WDR87: variants seen among roughly 807,000 people sequenced by gnomAD.
The protein encoded by WDR87 is WD repeat domain 87.
WDR87 carries 56 observed loss-of-function variants against 83.3 expected under a neutral mutation model. That is an observed-to-expected ratio of 0.67 (90% confidence interval 0.54 to 0.84). The LOEUF is 0.84. Among genes scored for constraint, WDR87 ranks in the 40% least tolerant of loss-of-function variants. The probability of loss-of-function intolerance (pLI) is 0.00; values close to 1 mark genes in which losing one functional copy is unlikely to be tolerated. For synonymous variants in WDR87, 1,173 were observed against 1,250.6 expected (o/e 0.94, Z 1.31); for missense variants, 2,939 against 3,431.9 (o/e 0.86, Z 3.59).
Position 37,892,674 on chromosome 19 carries a change from C to T in WDR87, c.3029G>A (p.Arg1010Lys), listed in dbSNP as rs770682097. Residue 1010 changes from arginine to lysine, a missense_variant, in exon 4 of 6, where the codon AGG becomes AAG. Around this residue, in one of 3 missense-constraint regions of WDR87, gnomAD observed 2,160 missense variants for 2,533.1 expected, o/e 0.85. Transcript: ENST00000447313. Reference protein sequence around the residue: ...QGLMDKDERVRIKTLSLMAEI... With the variant: ...QGLMDKDERVKIKTLSLMAEI... ...AGCCATGAGGCTTAGGGTCTTGATC[C>T]TCACTCTTTCATCCTTGTCCATTAA... 5.0e-5 allele frequency: 77 copies of T among 1,551,624 alleles called. No individual in the cohort carries two copies. Among genetic ancestry groups the T allele is most frequent in the Non-Finnish European group, 6.5e-5 (74 of 1,146,972 alleles).
rs759097545 is a variant in WDR87, at chr19:37,893,919, C to A, written c.1784G>T (p.Gly595Val). The A allele has an allele frequency of 1.9e-6, 3 of 1,551,882 alleles. No individual in the cohort carries two copies. The South Asian group carries it at 3.6e-5, about 18-fold the overall frequency. Residue 595 changes from glycine (G) to valine (V), a missense_variant, in exon 4 of 6, where the codon GGC becomes GTC. This residue lies in a region of WDR87 where 553 missense variants were observed against 577.9 expected (regional missense o/e 0.96). Coordinates refer to ENST00000447313, the MANE Select transcript of WDR87 (RefSeq NM_001291088.2). ...HDFLSSGSQN[G>V]LKFIETLPLH... ...AGGCAGTGTTTCTATGAATTTCAAG[C>A]CATTCTGTGACCCAGAGGACAGAAA...
chr19:37,897,229 C>T (rs1300823593), intron 2 of WDR87, among the ~76,000 whole-genome samples: 2 of 103,298 alleles, frequency 1.9e-5, no homozygotes, highest in Middle Eastern at 8.6e-3. Flanking sequence ...TTTTTTGAGA[C>T]AAGATCTCAC....
Position 37,893,537 on chromosome 19 carries a change from T to C in WDR87, c.2166A>G (p.Gly722=). ...GACCCACTAATTTCTGTTGCGCTTGTCCAGGGTAGATGTACTTGGGCACAA... is the reference window on the plus strand; with the variant it reads ...GACCCACTAATTTCTGTTGCGCTTGCCCAGGGTAGATGTACTTGGGCACAA... The part of the protein sequence containing the change: ...TMFVPKYIYP[G]QAQQKLVGLE... Residue 722 remains glycine, a synonymous_variant, in exon 4 of 6, where the codon GGA becomes GGG. Transcript: ENST00000447313. The C allele has an allele frequency of 1.9e-6, 3 of 1,551,768 alleles. No individual in the cohort carries two copies. Among genetic ancestry groups the C allele is most frequent in the Non-Finnish European group, 2.6e-6 (3 of 1,147,040 alleles).
At chr19:37,895,946 T>G (rs1329722918) in intron 3 of WDR87, 192 bp downstream of exon 3, 2 of 735,564 alleles carry the variant, frequency 2.7e-6, no homozygotes, top group Non-Finnish European at 4.2e-6. Context: ...TTTCCTAACC[T>G]TGGTTTACTT....
At position 37,895,420 on chromosome 19, in the gene WDR87, C is replaced by G; in HGVS notation, c.283G>C (p.Val95Leu). 6.4e-7 allele frequency: 1 copy of G among 1,551,608 alleles called. No homozygotes were observed. The highest frequency in any genetic ancestry group is 1.2e-5 in the South Asian group (1 of 84,052). Residue 95 changes from valine (V) to leucine (L), a missense_variant, in exon 4 of 6, where the codon GTT (valine) becomes CTT (leucine). By Grantham distance (32) the Val-to-Leu change is conservative. Transcript: ENST00000447313. ...GTCATGGAGAATGTTCTTTTCTCAA[C>G]CATGTCCTCAGTTTTGCTCTTCATC... ...AWMKSKTEDM[V>L]EKRTFSMTER...
chr19:37,893,589 C>G lies in WDR87; in HGVS notation c.2114G>C (p.Ser705Thr). 1 of 1,551,930 alleles carries G rather than the reference C, an allele frequency of 6.4e-7. No individual in the cohort carries two copies. Among genetic ancestry groups the G allele is most frequent in the Non-Finnish European group, 8.7e-7 (1 of 1,147,046 alleles). Reference protein sequence around the residue: ...VLEVPKPFIPSFFFSFETMFV... With the variant: ...VLEVPKPFIPTFFFSFETMFV... ...CATGGTCTCAAAGGAGAAGAAGAAG[C>G]TTGGTATGAAAGGCTTAGGGACTTC... Residue 705 changes from serine to threonine, a missense_variant, in exon 4 of 6, where the codon AGC becomes ACC. Transcript: ENST00000447313.
rs2046227109 is a variant in WDR87, at chr19:37,893,624, A to T, written c.2079T>A (p.Asp693Glu). Residue 693 changes from aspartate (D) to glutamate (E), a missense_variant, in exon 4 of 6, where the codon GAT becomes GAA. By Grantham distance (45) the Asp-to-Glu change is conservative (BLOSUM62 2). Around this residue, in one of 3 missense-constraint regions of WDR87, gnomAD observed 553 missense variants for 577.9 expected, o/e 0.96. Coordinates refer to ENST00000447313, the MANE Select transcript of WDR87 (RefSeq NM_001291088.2). ...AAGGCTTAGGGACTTCCAGTACTTC[A>T]TCTGATATGCTCATAAAGGAAAGGC... ...LTRLSFMSISDEVLEVPKPFI... is the reference protein window; with the variant it reads ...LTRLSFMSISEEVLEVPKPFI... 1 of 1,552,020 alleles carries T rather than the reference A, an allele frequency of 6.4e-7. No individual in the cohort carries two copies. The highest frequency in any genetic ancestry group is 2.0e-5 in the Admixed American group (1 of 50,984).
Position 37,893,660 on chromosome 19 carries a change from G to C in WDR87, c.2043C>G (p.Ala681=). The C allele has an allele frequency of 6.4e-7, 1 of 1,552,128 alleles. No homozygotes were observed. The highest frequency in any genetic ancestry group is 1.4e-5 in the African/African-American group (1 of 73,154). Residue 681 remains alanine, a synonymous_variant, in exon 4 of 6, where the codon GCC becomes GCG. Coordinates refer to ENST00000447313, the MANE Select transcript of WDR87 (RefSeq NM_001291088.2). ...TCATAAAGGAAAGGCGAGTCAGCAG[G>C]GCTGGGGGAAGCAATTTTAAACAGG... is the stretch of plus-strand genomic sequence containing the variant. ...LVSCLKLLPP[A]LLTRLSFMSI...
In WDR87 at chr19:37,889,014, T is replaced by A; in HGVS notation, c.4657A>T (p.Lys1553Ter). ...SPEEEMLQED[K>*]KLKWEEWKQV... is the part of the protein sequence containing the mutation. ...TTCCACTCCTCCCATTTCAGCTTCTTGTCCTCCTGAAGCATTTCCTCCTCC... is the reference window on the plus strand; with the variant it reads ...TTCCACTCCTCCCATTTCAGCTTCTAGTCCTCCTGAAGCATTTCCTCCTCC... The change falls in exon 6 of 6, where the codon AAG (lysine) becomes TAG (stop). Residue 1553 changes from lysine (K) to a stop codon, truncating the protein, a stop_gained. Coordinates refer to ENST00000447313, the MANE Select transcript of WDR87 (RefSeq NM_001291088.2). LOFTEE classifies it low-confidence loss of function (END_TRUNC). 1 of 1,552,122 alleles carries A rather than the reference T, an allele frequency of 6.4e-7. No homozygotes were observed. The highest frequency in any genetic ancestry group is 8.7e-7 in the Non-Finnish European group (1 of 1,147,102).
Position 37,894,632 on chromosome 19 carries a change from G to A in WDR87, c.1071C>T (p.Leu357=). 6.4e-7 allele frequency: 1 copy of A among 1,551,782 alleles called. No homozygotes were observed. Among genetic ancestry groups the A allele is most frequent in the Non-Finnish European group, 8.7e-7 (1 of 1,147,018 alleles). The change falls in exon 4 of 6, where the codon CTC becomes CTT. Residue 357 remains leucine, a synonymous_variant. Coordinates refer to ENST00000447313, the MANE Select transcript of WDR87 (RefSeq NM_001291088.2). ...SLHRLPCFYS[L]FNVCGSAPQQ... ...GGGGAGCAGAGCCACAGACATTGAAGAGGCTGTAGAAGCAGGGCAGGCGGT... is the reference window on the plus strand; with the variant it reads ...GGGGAGCAGAGCCACAGACATTGAAAAGGCTGTAGAAGCAGGGCAGGCGGT...
rs2046184137 is a variant in WDR87, at chr19:37,889,522, T to C, written c.4149A>G (p.Pro1383=). 18 of 1,551,706 alleles carry C rather than the reference T, an allele frequency of 1.2e-5. No individual in the cohort carries two copies. The highest frequency in any genetic ancestry group is 1.5e-5 in the Non-Finnish European group (17 of 1,147,030). The change falls in exon 6 of 6, where the codon CCA becomes CCG. Residue 1383 remains proline (P), a synonymous_variant. Coordinates refer to ENST00000447313, the MANE Select transcript of WDR87 (RefSeq NM_001291088.2). ...QEVIRHKEVM[P]REEEQAQKKA... is the part of the protein sequence containing the mutation. Reference sequence around the variant, plus strand: ...TCTTTTGTGCTTGTTCTTCTTCCCTTGGCATCACTTCCTTGTGTCTGATCA... The same window carrying C: ...TCTTTTGTGCTTGTTCTTCTTCCCTCGGCATCACTTCCTTGTGTCTGATCA...
chr19:37,892,733 A>G lies in WDR87; in HGVS notation c.2970T>C (p.Ile990=), dbSNP rs773247581. 46 of 1,551,664 alleles carry G rather than the reference A, an allele frequency of 3.0e-5. No individual in the cohort carries two copies. The highest frequency in any genetic ancestry group is 2.0e-5 in the Admixed American group (1 of 50,984). ...CCAGAGGCATGGCAAAAAGATGAGTAATCATTCCTAGACGCTTCAGCCCTT... is the reference window on the plus strand; with the variant it reads ...CCAGAGGCATGGCAAAAAGATGAGTGATCATTCCTAGACGCTTCAGCCCTT... ...AWEGLKRLGM[I]THLFAMPLAQ... The change falls in exon 4 of 6, where the codon ATT becomes ATC. Residue 990 remains isoleucine, a synonymous_variant. Transcript: ENST00000447313.
chr19:37,896,472 A>G (rs1289420402), intron 2 of WDR87, among the ~76,000 whole-genome samples, 164 bp from the exon 3 acceptor site: 1 of 152,168 alleles, frequency 6.6e-6, no homozygotes, highest in African/African-American at 2.4e-5. Context: ...TGGCACAGCT[A>G]TACTTCACAA....
chr19:37,889,329 T>C lies in WDR87; in HGVS notation c.4342A>G (p.Lys1448Glu), dbSNP rs2046182165. The change falls in exon 6 of 6, where the codon AAG (lysine) becomes GAG (glutamate). Residue 1448 changes from lysine to glutamate, a missense_variant. Transcript: ENST00000447313. ...TTTATTTTTCCTACTTTTCTTTCCT[T>C]CTGGACAGCTTTCCTCCCTTGCTTA... ...SPKQGRKAVQ[K>E]ERKVGKIKRE... 6.4e-7 allele frequency: 1 copy of C among 1,551,884 alleles called. No homozygotes were observed. The highest frequency in any genetic ancestry group is 1.4e-5 in the African/African-American group (1 of 73,054).
rs1422498242 is a variant in WDR87 at position 37,886,701 on chromosome 19, CCTCTT to C, written c.6965_6969del (p.Glu2322GlyfsTer23). 1 of 1,452,112 alleles carries C rather than the reference CCTCTT, an allele frequency of 6.9e-7. No individual in the cohort carries two copies. The highest frequency in any genetic ancestry group is 1.4e-5 in the African/African-American group (1 of 70,208). 90.0% of individuals were successfully genotyped at this position (1,452,112 alleles called of 1,614,324 possible). A position where few individuals can be genotyped will look rare whatever the true frequency, so the allele number is the denominator to read the frequency against. On this transcript the variant is annotated frameshift_variant, in exon 6 of 6. Coordinates refer to ENST00000447313, the MANE Select transcript of WDR87 (RefSeq NM_001291088.2). LOFTEE classifies it low-confidence loss of function (END_TRUNC). ...TCCTTTTTCTTCTTCTTCTTCTCCT[CCTCTT>C]CTTTCTCCACTTGCTTCTCCTCCCC...
In WDR87 at chr19:37,897,920, T is replaced by C. The variant is rs548071554; in HGVS notation, c.75+245A>G. ...ATAAAATAAAATAATAGAAAAACTC[T>C]CTTTCCAGAAGGTCAGTTCCTCTTA... is the stretch of plus-strand genomic sequence containing the variant. On this transcript the variant is annotated intron_variant, in intron 2 of 5. Transcript: ENST00000447313. Among the ~76,000 whole-genome samples the C allele has an allele frequency of 6.2e-4, 95 of 152,162 alleles. 2 individuals are homozygous for C. The South Asian group carries it at 0.015, about 24-fold the overall frequency.
chr19:37,892,663 G>T lies in WDR87; in HGVS notation c.3040C>A (p.Leu1014Ile). The change falls in exon 4 of 6, where the codon CTA becomes ATA. Residue 1014 changes from leucine (L) to isoleucine (I), a missense_variant. Physicochemically the swap from Leu to Ile is conservative, Grantham distance 5. Transcript: ENST00000447313. ...DKDERVRIKT[L>I]SLMAEIGIHS... ...ATTCCAATCTCAGCCATGAGGCTTA[G>T]GGTCTTGATCCTCACTCTTTCATCC... 1 of 1,551,550 alleles carries T rather than the reference G, an allele frequency of 6.4e-7. No individual in the cohort carries two copies. The highest frequency in any genetic ancestry group is 8.7e-7 in the Non-Finnish European group (1 of 1,146,812).
In WDR87 at chr19:37,892,643, A is replaced by G; in HGVS notation, c.3060T>C (p.Ile1020=). The part of the protein sequence containing the change: ...RIKTLSLMAE[I]GIHSRTSLLQ... ...AGAGTGAGGTCCTAGAGTGGATTCC[A>G]ATCTCAGCCATGAGGCTTAGGGTCT... The change falls in exon 4 of 6, where the codon ATT becomes ATC. Residue 1020 remains isoleucine, a synonymous_variant. Transcript: ENST00000447313. The G allele has an allele frequency of 6.5e-7, 1 of 1,547,710 alleles. No individual in the cohort carries two copies. Among genetic ancestry groups the G allele is most frequent in the Non-Finnish European group, 8.7e-7 (1 of 1,143,676 alleles).
chr19:37,894,819 G>A lies in WDR87; in HGVS notation c.884C>T (p.Ala295Val). 1 of 1,551,742 alleles carries A rather than the reference G, an allele frequency of 6.4e-7. No individual in the cohort carries two copies. The highest frequency in any genetic ancestry group is 1.2e-5 in the South Asian group (1 of 84,060). ...ACTACCAGCTGTTAGCAGGGTGTGG[G>A]CCTCTGGTCGGCTGCGGATACAGAT... Reference protein sequence around the residue: ...GVICIRSRPEAHTLLTAGSDS... With the variant: ...GVICIRSRPEVHTLLTAGSDS... Residue 295 changes from alanine (A) to valine (V), a missense_variant, in exon 4 of 6, where the codon GCC becomes GTC. By Grantham distance (64) the Ala-to-Val change is moderately conservative (BLOSUM62 0). This residue lies in a region of WDR87 where 553 missense variants were observed against 577.9 expected (regional missense o/e 0.96). Coordinates refer to ENST00000447313, the MANE Select transcript of WDR87 (RefSeq NM_001291088.2).
Sources: allele counts gnomAD v4.1 joint callset (sites outside exome capture counted in the v4.1 genomes callset), GRCh38; gene constraint gnomAD v4.1.1; regional missense constraint gnomAD v4.1.1; transcripts MANE v1.5; gene names NCBI Gene and HGNC (gene_info 2026-07-23, HGNC 2026-07-21).